MDC1: variants seen among roughly 807,000 people sequenced by gnomAD.
The protein encoded by MDC1 is mediator of DNA damage checkpoint protein 1.
MDC1 carries 81 observed loss-of-function variants against 142.5 expected under a neutral mutation model. The observed-to-expected ratio is 0.57, with a 90% CI of 0.47 to 0.68. The LOEUF (loss-of-function observed/expected upper bound fraction) is 0.68. Among genes scored for constraint, MDC1 ranks in the 30% least tolerant of loss-of-function variants. The probability of loss-of-function intolerance (pLI) is 0.00; values close to 1 mark genes in which losing one functional copy is unlikely to be tolerated. For synonymous variants in MDC1, 797 were observed against 968.4 expected (o/e 0.82, Z 3.29); for missense variants, 2,119 against 2,547.9 (o/e 0.83, Z 3.62).
Position 30,702,837 on chromosome 6 carries a change from A to G in MDC1, c.5906T>C (p.Val1969Ala). 1 of 1,613,156 alleles carries G rather than the reference A, an allele frequency of 6.2e-7. No homozygotes were observed. Among genetic ancestry groups the G allele is most frequent in the Non-Finnish European group, 8.5e-7 (1 of 1,180,050 alleles). The change falls in exon 13 of 15, where the codon GTG becomes GCG. Residue 1969 changes from valine to alanine, a missense_variant. Transcript: ENST00000376406. ...AGFFLPPDEY[V>A]VTDPEQEKNF... is the part of the protein sequence containing the mutation. ...CTTCTCTTGCTCAGGGTCGGTCACCACATATTCATCCGGGGGTAAGAAGAA... is the reference window on the plus strand; with the variant it reads ...CTTCTCTTGCTCAGGGTCGGTCACCGCATATTCATCCGGGGGTAAGAAGAA...
chr6:30,706,890 AAGAGACG>A (rs1406814964), intron 9 of MDC1, among the ~76,000 whole-genome samples: 1 of 151,654 alleles, frequency 6.6e-6, no homozygotes, highest in Non-Finnish European at 1.5e-5. Flanking sequence ...GTTTGAACCC[AAGAGACG>A]GAGGTTACAG....
rs748098912 is a variant in MDC1, at chr6:30,714,058, T to C, written c.262A>G (p.Ile88Val). Residue 88 changes from isoleucine (I) to valine (V), a missense_variant, in exon 3 of 15, where the codon ATC (isoleucine) becomes GTC (valine). Ile to Val is a conservative substitution (Grantham distance 29, BLOSUM62 3). Transcript: ENST00000376406. The part of the protein sequence containing the change: ...IEILAWDKAP[I>V]LRDCGSLNGT... ...TTAAGGCTCCCACAGTCTCGGAGGA[T>C]AGGTGCCTTGTCCCAGGCTAAGATT... The C allele has an allele frequency of 1.2e-6, 2 of 1,612,888 alleles. No individual in the cohort carries two copies. The highest frequency in any genetic ancestry group is 1.1e-5 in the South Asian group (1 of 91,074).
chr6:30,708,053 T>A lies in MDC1; in HGVS notation c.2526A>T (p.Arg842Ser), dbSNP rs61744913. The A allele has an allele frequency of 9.4e-3, 15,219 of 1,613,094 alleles. 107 individuals are homozygous for A. Among genetic ancestry groups the A allele is most frequent in the Middle Eastern group, 0.032 (191 of 6,062 alleles). ...CTTCCTCTCCTGTCACATCTGTCTG[T>A]CTTTCTGGTAGCAGTTTCTCAGTTT... Reference protein sequence around the residue: ...ERETEKLLPERQTDVTGEEEL... With the variant: ...ERETEKLLPESQTDVTGEEEL... Residue 842 changes from arginine (R) to serine (S), a missense_variant, in exon 8 of 15, where the codon AGA becomes AGT. Coordinates refer to ENST00000376406, the MANE Select transcript of MDC1 (RefSeq NM_014641.3).
chr6:30,705,579 C>T lies in MDC1; in HGVS notation c.3604G>A (p.Val1202Ile), dbSNP rs759686086. The T allele has an allele frequency of 4.5e-5, 73 of 1,606,628 alleles. No homozygotes were observed. The South Asian group carries it at 7.0e-4, about 15-fold the overall frequency. The stretch of plus-strand genomic sequence containing the variant: ...TGGAGCTCAAGGGCTGTGGGCACAA[C>T]TGTTTCAGGGGTCTTGACAGAGGAT... Reference protein sequence around the residue: ...SRSSVKTPETVVPTALELQPS... With the variant: ...SRSSVKTPETIVPTALELQPS... Residue 1202 changes from valine (V) to isoleucine (I), a missense_variant, in exon 10 of 15, where the codon GTT becomes ATT. By Grantham distance (29) the Val-to-Ile change is conservative. Coordinates refer to ENST00000376406, the MANE Select transcript of MDC1 (RefSeq NM_014641.3).
Position 30,703,135 on chromosome 6 carries a change from A to T in MDC1, c.5834T>A (p.Ile1945Asn), listed in dbSNP as rs781097847. ...CAGCCAGTCCAGGGACAGAATGGGG[A>T]TTCCCCGCCCCAGGGCACACAGGAA... The part of the protein sequence containing the change: ...VKFLCALGRG[I>N]PILSLDWLHQ... The change falls in exon 12 of 15, where the codon ATC becomes AAC. Residue 1945 changes from isoleucine (I) to asparagine (N), a missense_variant. Transcript: ENST00000376406. The surrounding 1 kb of genome is among the most constrained non-coding windows in gnomAD (Gnocchi z 4.4). 3 of 1,612,904 alleles carry T rather than the reference A, an allele frequency of 1.9e-6. No individual in the cohort carries two copies. The South Asian group carries it at 3.3e-5, about 18-fold the overall frequency.
chr6:30,712,428 G>A lies in MDC1; in HGVS notation c.1514C>T (p.Ser505Leu), dbSNP rs1302400959. 1 of 1,613,038 alleles carries A rather than the reference G, an allele frequency of 6.2e-7. No individual in the cohort carries two copies. Among genetic ancestry groups the A allele is most frequent in the Admixed American group, 1.7e-5 (1 of 60,026 alleles). Reference protein sequence around the residue: ...SDDSVEADKSSPGIHLERSQA... With the variant: ...SDDSVEADKSLPGIHLERSQA... ...GCTTCTCTCCAGGTGGATCCCAGGT[G>A]AGCTCTTATCTGCTTCCACACTGTC... Residue 505 changes from serine to leucine, a missense_variant, in exon 5 of 15, where the codon TCA (serine) becomes TTA (leucine). Transcript: ENST00000376406. The surrounding 1 kb of genome is among the most constrained non-coding windows in gnomAD (Gnocchi z 4.7).
rs768990928 is a variant in MDC1, at chr6:30,702,765, C to T, written c.5978G>A (p.Arg1993Gln). ...ATAGCCTCTCACCTCTAGCAGCCTT[C>T]GCTCCCGAGCCCTGCTCAGTGCGTC... is the stretch of plus-strand genomic sequence containing the variant. ...LQDALSRARE[R>Q]RLLEGYEIYV... The change falls in exon 13 of 15, where the codon CGA becomes CAA. Residue 1993 changes from arginine (R) to glutamine (Q), a missense_variant. Physicochemically the swap from Arg to Gln is conservative, Grantham distance 43. Coordinates refer to ENST00000376406, the MANE Select transcript of MDC1 (RefSeq NM_014641.3). 2.1e-5 allele frequency: 34 copies of T among 1,612,952 alleles called. No homozygotes were observed. Among genetic ancestry groups the T allele is most frequent in the Middle Eastern group, 1.6e-4 (1 of 6,084 alleles).
intron 2 of MDC1, 114 bp from the exon 3 acceptor site, chr6:30,714,297 A>C: frequency 8.7e-7 from 1 of 1,148,854 alleles, no homozygotes; most frequent in South Asian, 1.6e-5. Context: ...GCATTAGAAA[A>C]ATAAAAGGCC....
Position 30,700,552 on chromosome 6 carries a change from C to A in MDC1, c.6183G>T (p.Ser2061=). ...GCACTCCAGTCAGCAGGAACTCAGG[C>A]GAGAGGAGGGGCAGCCCAACCCGTA... ...IPLRVGLPLL[S]PEFLLTGVLK... Residue 2061 remains serine, a synonymous_variant, in exon 15 of 15, where the codon TCG becomes TCT. Transcript: ENST00000376406. 1 of 1,612,776 alleles carries A rather than the reference C, an allele frequency of 6.2e-7. No homozygotes were observed. The highest frequency in any genetic ancestry group is 8.5e-7 in the Non-Finnish European group (1 of 1,179,978).
chr6:30,705,774 C>G lies in MDC1; in HGVS notation c.3409G>C (p.Val1137Leu). The change falls in exon 10 of 15, where the codon GTC (valine) becomes CTC (leucine). Residue 1137 changes from valine to leucine, a missense_variant. Physicochemically the swap from Val to Leu is conservative, Grantham distance 32. Coordinates refer to ENST00000376406, the MANE Select transcript of MDC1 (RefSeq NM_014641.3). ...PHPSTSTAQP[V>L]TPKPTSQATR... is the part of the protein sequence containing the mutation. ...GCCTGAGATGTGGGCTTGGGAGTGACTGGCTGGGCTGTGGAGGTGGAAGGG... is the reference window on the plus strand; with the variant it reads ...GCCTGAGATGTGGGCTTGGGAGTGAGTGGCTGGGCTGTGGAGGTGGAAGGG... The G allele has an allele frequency of 6.2e-7, 1 of 1,612,960 alleles. No homozygotes were observed. The highest frequency in any genetic ancestry group is 1.1e-5 in the South Asian group (1 of 90,976).
Position 30,704,820 on chromosome 6 carries a change from G to C in MDC1, c.4363C>G (p.Leu1455Val). ...PETVVPTAPE[L>V]QPSTSTDQPV... ...TGGTCTGTGGAGGTGGAAGGCTGGAGCTCAGGGGCTGTGGGGACAACTGTT... is the reference window on the plus strand; with the variant it reads ...TGGTCTGTGGAGGTGGAAGGCTGGACCTCAGGGGCTGTGGGGACAACTGTT... Residue 1455 changes from leucine (L) to valine (V), a missense_variant, in exon 10 of 15, where the codon CTC (leucine) becomes GTC (valine). Coordinates refer to ENST00000376406, the MANE Select transcript of MDC1 (RefSeq NM_014641.3). 6.2e-7 allele frequency: 1 copy of C among 1,612,190 alleles called. No homozygotes were observed. The highest frequency in any genetic ancestry group is 8.5e-7 in the Non-Finnish European group (1 of 1,179,372).
Position 30,704,175 on chromosome 6 carries a change from C to T in MDC1, c.5008G>A (p.Val1670Ile), listed in dbSNP as rs200530869. The T allele has an allele frequency of 8.4e-5, 136 of 1,613,422 alleles. No individual in the cohort carries two copies. The highest frequency in any genetic ancestry group is 2.0e-4 in the East Asian group (9 of 44,878). ...LEPFTPTDQSVTPEAIAQGGQ... is the reference protein window; with the variant it reads ...LEPFTPTDQSITPEAIAQGGQ... ...CCCTGAGCTATGGCCTCAGGGGTGACGGACTGGTCTGTGGGGGTAAAAGGC... is the reference window on the plus strand; with the variant it reads ...CCCTGAGCTATGGCCTCAGGGGTGATGGACTGGTCTGTGGGGGTAAAAGGC... Residue 1670 changes from valine (V) to isoleucine (I), a missense_variant, in exon 10 of 15, where the codon GTC becomes ATC. Physicochemically the swap from Val to Ile is conservative, Grantham distance 29. Coordinates refer to ENST00000376406, the MANE Select transcript of MDC1 (RefSeq NM_014641.3).
At position 30,715,211 on chromosome 6, in the gene MDC1, T is replaced by C. The variant is rs769172624; in HGVS notation, c.-3-33A>G. 10 of 1,613,234 alleles carry C rather than the reference T, an allele frequency of 6.2e-6. No homozygotes were observed. The African/African-American group carries it at 1.3e-4, about 22-fold the overall frequency. ...GGATACACATTATCAATTATCCTCA[T>C]TATTGGTTCACACAAACAGCATCAG... On this transcript the variant is annotated intron_variant, in intron 1 of 14. Coordinates refer to ENST00000376406, the MANE Select transcript of MDC1 (RefSeq NM_014641.3). This position sits in a 1 kb window ranked among gnomAD's most constrained non-coding sequence, Gnocchi z 4.1.
rs772494999 is a variant in MDC1, at chr6:30,700,644, A to G, written c.6103-12T>C. The G allele has an allele frequency of 5.6e-6, 9 of 1,612,360 alleles. 1 individual carries two copies. Among genetic ancestry groups the G allele is most frequent in the Non-Finnish European group, 7.6e-6 (9 of 1,179,578 alleles). On this transcript the variant is annotated splice_polypyrimidine_tract_variant and intron_variant, in intron 14 of 14. Coordinates refer to ENST00000376406, the MANE Select transcript of MDC1 (RefSeq NM_014641.3). ...ACAACTCTCTGAGGCTGGGGAAGAC[A>G]GAGCAAAGGCAAAATCAGGTGAAAA...
At position 30,703,300 on chromosome 6, in the gene MDC1, G is replaced by A; in HGVS notation, c.5683-14C>T. 1 of 1,609,320 alleles carries A rather than the reference G, an allele frequency of 6.2e-7. No homozygotes were observed. The highest frequency in any genetic ancestry group is 8.5e-7 in the Non-Finnish European group (1 of 1,177,044). ...TGTGAAGAGCACCTGTGGAAGGGTT[G>A]ACCTGAGGTGGTTACGGCAACCCAT... is the stretch of plus-strand genomic sequence containing the variant. On this transcript the variant is annotated splice_polypyrimidine_tract_variant and intron_variant, in intron 11 of 14. Coordinates refer to ENST00000376406, the MANE Select transcript of MDC1 (RefSeq NM_014641.3). The surrounding 1 kb of genome is among the most constrained non-coding windows in gnomAD (Gnocchi z 4.4).
In MDC1 at chr6:30,708,016, C is replaced by T; in HGVS notation, c.2563G>A (p.Gly855Arg). The change falls in exon 8 of 15, where the codon GGG (glycine) becomes AGG (arginine). Residue 855 changes from glycine to arginine, a missense_variant. Gly to Arg is a moderately radical substitution (Grantham distance 125). Coordinates refer to ENST00000376406, the MANE Select transcript of MDC1 (RefSeq NM_014641.3). Reference protein sequence around the residue: ...DVTGEEELTKGKQDREQKQLL... With the variant: ...DVTGEEELTKRKQDREQKQLL... ...TGTTTTTGTTCTCTGTCCTGTTTCCCCTTGGTTAATTCTTCCTCTCCTGTC... is the reference window on the plus strand; with the variant it reads ...TGTTTTTGTTCTCTGTCCTGTTTCCTCTTGGTTAATTCTTCCTCTCCTGTC... 2.5e-6 allele frequency: 4 copies of T among 1,613,030 alleles called. No homozygotes were observed. Among genetic ancestry groups the T allele is most frequent in the Non-Finnish European group, 3.4e-6 (4 of 1,180,020 alleles).
chr6:30,707,323 G>A, intron 9 of MDC1, 61 bp downstream of exon 9: 1 of 1,501,808 alleles, frequency 6.7e-7, no homozygotes, highest in East Asian at 2.3e-5. Context: ...CTAGGTGAAA[G>A]AGCATTGGAG....
rs28994869 is a variant in MDC1 at position 30,705,885 on chromosome 6, G to C, written c.3298C>G (p.Pro1100Ala). The C allele has an allele frequency of 0.016, 25,820 of 1,611,590 alleles. 374 individuals carry two copies. The highest frequency in any genetic ancestry group is 0.06 in the Middle Eastern group (365 of 6,038). The change falls in exon 10 of 15, where the codon CCT becomes GCT. Residue 1100 changes from proline to alanine, a missense_variant. By Grantham distance (27) the Pro-to-Ala change is conservative. Coordinates refer to ENST00000376406, the MANE Select transcript of MDC1 (RefSeq NM_014641.3). The part of the protein sequence containing the change: ...PEAPLSSELE[P>A]FHPKPKIRTR... ...CTAATTTTAGGCTTTGGGTGGAAAG[G>C]CTCCAGCTCTGAGGACAAGGGAGCC...
Position 30,713,790 on chromosome 6 carries a change from T to C in MDC1, c.517+13A>G, listed in dbSNP as rs1775272391. 6.2e-7 allele frequency: 1 copy of C among 1,613,726 alleles called. No individual in the cohort carries two copies. The highest frequency in any genetic ancestry group is 1.1e-5 in the South Asian group (1 of 91,078). On this transcript the variant is annotated intron_variant, in intron 3 of 14. Coordinates refer to ENST00000376406, the MANE Select transcript of MDC1 (RefSeq NM_014641.3). The surrounding 1 kb of genome is among the most constrained non-coding windows in gnomAD (Gnocchi z 4.9). ...CCTGTCTCCTCATTCTCCCTGCCAA[T>C]ATACAAACTTACCTACTTCCTCCTC...
Sources: gnomAD v4.1 joint callset for allele counts (sites outside exome capture counted in the v4.1 genomes callset) on GRCh38, gnomAD v4.1.1 for gene constraint, Gnocchi (gnomAD v3.1) non-coding constraint, MANE v1.5 for transcripts, NCBI Gene and HGNC (gene_info 2026-07-23, HGNC 2026-07-21) for gene names.